NEO1: variants seen among roughly 807,000 people sequenced by gnomAD.
NEO1 encodes the protein neogenin 1, also known as neogenin.
In NEO1, 63 loss-of-function variants were observed where a neutral mutation model predicts 159.7. That is an observed-to-expected ratio of 0.39 (90% CI 0.32 to 0.49). The LOEUF (loss-of-function observed/expected upper bound fraction) is 0.49, where lower values mean the gene tolerates loss of function less well. Ranked by LOEUF, NEO1 falls within the 20% of genes least tolerant of loss-of-function variation. The probability of loss-of-function intolerance (pLI) is 0.85; values close to 1 mark genes in which losing one functional copy is unlikely to be tolerated. For missense variants in NEO1, 1,615 were observed against 1,831.0 expected, an observed-to-expected ratio of 0.88 and a Z score of 2.15; for synonymous variants, 633 against 662.0, an observed-to-expected ratio of 0.96 and a Z score of 0.67.
intron 1 of NEO1, among the ~76,000 whole-genome samples, chr15:73,107,676 A>G (rs184229626): frequency 5.9e-5 from 9 of 152,368 alleles, no homozygotes; most frequent in Admixed American, 1.3e-4. Context: ...AAACAATGCC[A>G]TCATTCAGGG....
At chr15:73,254,374 CCTT>C (rs1241095044) in intron 12 of NEO1, among the ~76,000 whole-genome samples, 1 of 152,036 alleles carries the variant, frequency 6.6e-6, no homozygotes, top group Non-Finnish European at 1.5e-5. Context: ...GTGCTTCTGG[CCTT>C]CTTATACTTT....
intron 21 of NEO1, 108 bp downstream of exon 21, chr15:73,274,832 G>A (rs1422441866): frequency 6.5e-6 from 7 of 1,084,666 alleles, no homozygotes; most frequent in Non-Finnish European, 9.4e-6. Flanking sequence ...TCAGCACCAT[G>A]TGTTAAAAGC....
intron 2 of NEO1, among the ~76,000 whole-genome samples, chr15:73,119,284 AAAACCT>A (rs138807286): frequency 0.016 from 2,402 of 152,338 alleles, 79 homozygotes; most frequent in African/African-American, 0.055. Flanking sequence ...ACATCTCAAT[AAAACCT>A]AAAAAAATTC....
chr15:73,098,085 A>G (rs1419385640), intron 1 of NEO1, among the ~76,000 whole-genome samples: 3 of 33,682 alleles, frequency 8.9e-5, no homozygotes, highest in South Asian at 6.5e-4. Flanking sequence ...ATCCCACAAC[A>G]CACACACACA....
chr15:73,232,283 T>G (rs2038950829), intron 7 of NEO1, among the ~76,000 whole-genome samples: 1 of 152,206 alleles, frequency 6.6e-6, no homozygotes, highest in South Asian at 2.1e-4. Flanking sequence ...ACAGATGTTT[T>G]TGTTGAGTAT....
At chr15:73,299,612 C>A (rs1302686169) in intron 27 of NEO1, among the ~76,000 whole-genome samples, 1 of 152,186 alleles carries the variant, frequency 6.6e-6, no homozygotes, top group Non-Finnish European at 1.5e-5. Context: ...GTCTTGATCT[C>A]CTGACCTCGT....
At chr15:73,298,219 C>A in intron 26 of NEO1, 129 bp from the exon 27 acceptor site, 1 of 1,091,478 alleles carries the variant, frequency 9.2e-7, no homozygotes, top group Non-Finnish European at 1.3e-6. Flanking sequence ...AATCCATGTT[C>A]TCTTGGACTA....
intron 7 of NEO1, among the ~76,000 whole-genome samples, chr15:73,205,589 C>T (rs180743966): frequency 1.3e-5 from 2 of 152,148 alleles, no homozygotes; most frequent in Non-Finnish European, 2.9e-5. Context: ...TTCATTCTCA[C>T]AATAGTCCAC....
chr15:73,088,046 C>T (rs1170826428), intron 1 of NEO1, among the ~76,000 whole-genome samples: 1 of 152,002 alleles, frequency 6.6e-6, no homozygotes, highest in East Asian at 1.9e-4. Flanking sequence ...TGCTAAATTG[C>T]TTTCTAGAAA....
At chr15:73,142,761 C>G (rs2032520475) in intron 5 of NEO1, among the ~76,000 whole-genome samples, 1 of 152,146 alleles carries the variant, frequency 6.6e-6, no homozygotes. Context: ...GTCAGATCTG[C>G]TATGGCTTTG....
At chr15:73,128,473 A>G (rs982867094) in intron 4 of NEO1, among the ~76,000 whole-genome samples, 4 of 152,176 alleles carry the variant, frequency 2.6e-5, no homozygotes, top group Non-Finnish European at 5.9e-5. Context: ...GAGGCTTTCT[A>G]TGATTCTCAT....
intron 7 of NEO1, among the ~76,000 whole-genome samples, chr15:73,224,004 A>C (rs1299083036): frequency 1.3e-5 from 2 of 152,090 alleles, no homozygotes; most frequent in African/African-American, 4.8e-5. Flanking sequence ...GGTAGTGGTG[A>C]GTTCTTTCAG....
At chr15:73,279,660 G>A (rs1007085824) in intron 22 of NEO1, among the ~76,000 whole-genome samples, 13 of 152,230 alleles carry the variant, frequency 8.5e-5, no homozygotes, top group Non-Finnish European at 1.8e-4. Context: ...CCGCGTGCAC[G>A]TTTTTAAAGA....
At chr15:73,264,190 G>T (rs200518186) in intron 15 of NEO1, among the ~76,000 whole-genome samples, 1 of 141,618 alleles carries the variant, frequency 7.1e-6, no homozygotes, top group Admixed American at 7.0e-5. Flanking sequence ...TGTCTGAAAA[G>T]AAAAAAAAAA....
At chr15:73,257,760 C>G (rs1340593207) in intron 13 of NEO1, among the ~76,000 whole-genome samples, 1 of 152,108 alleles carries the variant, frequency 6.6e-6, no homozygotes, top group Admixed American at 6.5e-5. Flanking sequence ...CTCTTACATC[C>G]CAGTGGTCCC....
chr15:73,124,618 C>G (rs554167985), intron 3 of NEO1, among the ~76,000 whole-genome samples: 124 of 152,272 alleles, frequency 8.1e-4, no homozygotes, highest in African/African-American at 2.9e-3. Context: ...AGATACCTGC[C>G]TGGGTCACTG....
chr15:73,219,231 C>T (rs1312237491), intron 7 of NEO1, among the ~76,000 whole-genome samples: 2 of 151,890 alleles, frequency 1.3e-5, no homozygotes, highest in Non-Finnish European at 2.9e-5. Flanking sequence ...AGTTGAGCGG[C>T]TTTGAGTGAG....
At chr15:73,274,454 A>G (rs901676377) in intron 20 of NEO1, among the ~76,000 whole-genome samples, 6 of 152,200 alleles carry the variant, frequency 3.9e-5, no homozygotes, top group African/African-American at 1.4e-4. Flanking sequence ...TAAGAAAATG[A>G]AGATAAAGCA....
chr15:73,248,034 C>A (rs1203053327), intron 9 of NEO1, among the ~76,000 whole-genome samples: 1 of 152,156 alleles, frequency 6.6e-6, no homozygotes, highest in Non-Finnish European at 1.5e-5. Flanking sequence ...AGCTAACTTT[C>A]CCATCACTTG....
Sources: allele counts gnomAD v4.1 joint callset (sites outside exome capture counted in the v4.1 genomes callset), GRCh38; gene constraint gnomAD v4.1.1; transcripts MANE v1.5; gene names NCBI Gene and HGNC (gene_info 2026-07-23, HGNC 2026-07-21).